Variants in PARP8 observed in about 807,000 individuals in gnomAD.
The protein encoded by PARP8 is protein mono-ADP-ribosyltransferase PARP8.
A neutral mutation model predicts 124.1 loss-of-function variants in PARP8; 51 were observed. The observed-to-expected ratio is 0.41, with a 90% CI of 0.33 to 0.52. The LOEUF (loss-of-function observed/expected upper bound fraction) is 0.52. Among genes scored for constraint, PARP8 ranks in the 20% least tolerant of loss-of-function variants. The probability of loss-of-function intolerance (pLI) is 0.21; values close to 1 mark genes in which losing one functional copy is unlikely to be tolerated. For missense variants in PARP8, 860 were observed against 1,018.9 expected, an observed-to-expected ratio of 0.84 and a Z score of 2.12; for synonymous variants, 391 against 361.5, an observed-to-expected ratio of 1.08 and a Z score of -0.93.
chr5:50,757,034 T>G, intron 3 of PARP8: 1 of 355,924 alleles, frequency 2.8e-6, no homozygotes, highest in Non-Finnish European at 5.8e-6. Context: ...ATGTAGTATT[T>G]TGTTGTATAT....
At chr5:50,822,006 A>T (rs1483120023) in intron 16 of PARP8, among the ~76,000 whole-genome samples, 1 of 152,188 alleles carries the variant, frequency 6.6e-6, no homozygotes, top group African/African-American at 2.4e-5. Context: ...GTATTTTAGG[A>T]TTCTATGTTG....
intron 2 of PARP8, among the ~76,000 whole-genome samples, chr5:50,718,673 G>A (rs1292548553): frequency 6.6e-6 from 1 of 151,858 alleles, no homozygotes; most frequent in Non-Finnish European, 1.5e-5. Context: ...TGGCTGAATA[G>A]TTTCCCATTG....
intron 2 of PARP8, among the ~76,000 whole-genome samples, chr5:50,715,031 C>A (rs538528375): frequency 6.6e-6 from 1 of 151,634 alleles, no homozygotes; most frequent in South Asian, 2.1e-4. Flanking sequence ...CTTTCATTTT[C>A]TGTAATTTTA....
At chr5:50,747,150 G>GTT (rs1561320439) in intron 2 of PARP8, among the ~76,000 whole-genome samples, 3 of 38,478 alleles carry the variant, frequency 7.8e-5, no homozygotes, top group African/African-American at 2.1e-4. Context: ...GGTTTTTTTT[G>GTT]TTTGTTTGTT....
rs776719074 is a variant in PARP8, at chr5:50,760,357, G to T, written c.340G>T (p.Gly114Trp). 12 of 1,519,296 alleles carry T rather than the reference G, an allele frequency of 7.9e-6. No individual in the cohort carries two copies. The highest frequency in any genetic ancestry group is 4.2e-5 in the African/African-American group (3 of 71,624). 94.1% of individuals were successfully genotyped at this position (1,519,296 alleles called of 1,614,324 possible). A position where few individuals can be genotyped will look rare whatever the true frequency, so the allele number is the denominator to read the frequency against. Residue 114 changes from glycine to tryptophan, a missense_variant, in exon 5 of 26, where the codon GGG (glycine) becomes TGG (tryptophan). This residue lies in a region of PARP8 where 517 missense variants were observed against 544.2 expected (regional missense o/e 0.95). Coordinates refer to ENST00000281631, the MANE Select transcript of PARP8 (RefSeq NM_024615.4). ...SIKSKLQKEN[G>W]EESRQNSTVE... ...AAAATCCAAATTACAAAAGGAAAATGGGGAGGTATGTAAATTATATTTTTT... is the reference window on the plus strand; with the variant it reads ...AAAATCCAAATTACAAAAGGAAAATTGGGAGGTATGTAAATTATATTTTTT...
intron 2 of PARP8, among the ~76,000 whole-genome samples, chr5:50,724,318 C>T (rs991833353): frequency 2.6e-5 from 4 of 151,972 alleles, no homozygotes; most frequent in Admixed American, 1.3e-4. Context: ...ATGCAAATTG[C>T]TAAGTTTTCA....
At position 50,821,279 on chromosome 5, in the gene PARP8, G is replaced by A. The variant is rs372763367; in HGVS notation, c.1735G>A (p.Glu579Lys). 30 of 1,613,848 alleles carry A rather than the reference G, an allele frequency of 1.9e-5. No individual in the cohort carries two copies. The highest frequency in any genetic ancestry group is 2.7e-5 in the African/African-American group (2 of 74,866). ...ATCTCCTAGAAAAGTTGTGATTTTC[G>A]AGCCATATCCTTCTGTGGTAGATCC... Reference protein sequence around the residue: ...LESPRKVVIFEPYPSVVDPND... With the variant: ...LESPRKVVIFKPYPSVVDPND... The change falls in exon 16 of 26, where the codon GAG (glutamate) becomes AAG (lysine). Residue 579 changes from glutamate to lysine, a missense_variant. Coordinates refer to ENST00000281631, the MANE Select transcript of PARP8 (RefSeq NM_024615.4).
intron 2 of PARP8, among the ~76,000 whole-genome samples, chr5:50,731,587 G>A (rs1756980218): frequency 6.6e-6 from 1 of 152,136 alleles, no homozygotes; most frequent in African/African-American, 2.4e-5. Context: ...CCTGATCGTA[G>A]TATGATGGGA....
intron 25 of PARP8, among the ~76,000 whole-genome samples, chr5:50,840,964 G>A (rs901380805): frequency 2.0e-5 from 3 of 151,850 alleles, no homozygotes; most frequent in Non-Finnish European, 4.4e-5. Flanking sequence ...TAAGAATTTA[G>A]ACTTGGTACA....
intron 2 of PARP8, among the ~76,000 whole-genome samples, chr5:50,675,997 G>A (rs1464616776): frequency 1.3e-5 from 2 of 152,148 alleles, no homozygotes; most frequent in Non-Finnish European, 2.9e-5. Flanking sequence ...TGTTTAATTA[G>A]ATATTAGATT....
chr5:50,695,889 C>G (rs1377095362), intron 2 of PARP8, among the ~76,000 whole-genome samples: 3 of 152,094 alleles, frequency 2.0e-5, no homozygotes, highest in African/African-American at 7.2e-5. Context: ...TCATTCTCCT[C>G]TATGCATTAT....
intron 14 of PARP8, among the ~76,000 whole-genome samples, chr5:50,803,924 A>G (rs1743522118): frequency 6.6e-6 from 1 of 151,966 alleles, no homozygotes; most frequent in Non-Finnish European, 1.5e-5. Flanking sequence ...GAACTCTGGG[A>G]TTTAGATCTC....
At chr5:50,691,858 G>C (rs1188986010) in intron 2 of PARP8, among the ~76,000 whole-genome samples, 2 of 152,058 alleles carry the variant, frequency 1.3e-5, no homozygotes, top group Non-Finnish European at 2.9e-5. Context: ...GAAAAACCTG[G>C]TGGCACCTAA....
chr5:50,798,046 T>C (rs774384326), intron 14 of PARP8, among the ~76,000 whole-genome samples: 34 of 152,354 alleles, frequency 2.2e-4, no homozygotes, highest in South Asian at 4.1e-4. Context: ...ATATTTGATA[T>C]GAATGGAATT....
intron 2 of PARP8, among the ~76,000 whole-genome samples, chr5:50,672,931 C>G (rs1175203914): frequency 6.6e-6 from 1 of 152,116 alleles, no homozygotes; most frequent in Non-Finnish European, 1.5e-5. Context: ...AAAGATCAGA[C>G]GTGCCCACTC....
chr5:50,815,291 T>A (rs1744974681), intron 14 of PARP8, 141 bp from the exon 15 acceptor site: 1 of 524,296 alleles, frequency 1.9e-6, no homozygotes, highest in East Asian at 3.5e-5. Flanking sequence ...AGAATTTATT[T>A]CGTATTAAAA....
intron 2 of PARP8, among the ~76,000 whole-genome samples, chr5:50,682,506 T>C (rs1360645924): frequency 6.6e-6 from 1 of 152,142 alleles, no homozygotes; most frequent in Admixed American, 6.6e-5. Flanking sequence ...ATATGATAAC[T>C]ACCTTGTTAC....
chr5:50,789,792 T>C (rs1741740912), intron 10 of PARP8, among the ~76,000 whole-genome samples: 1 of 152,238 alleles, frequency 6.6e-6, no homozygotes, highest in Non-Finnish European at 1.5e-5. Flanking sequence ...GATAATTGTA[T>C]GCTTAAAGCC....
intron 10 of PARP8, among the ~76,000 whole-genome samples, chr5:50,792,353 T>G (rs1742056162): frequency 6.6e-6 from 1 of 152,286 alleles, no homozygotes; most frequent in South Asian, 2.1e-4. Flanking sequence ...AAACAATTTC[T>G]TTTGCATCCA....
Sources: allele counts gnomAD v4.1 joint callset (sites outside exome capture counted in the v4.1 genomes callset), GRCh38; gene constraint gnomAD v4.1.1; regional missense constraint gnomAD v4.1.1; transcripts MANE v1.5; gene names NCBI Gene and HGNC (gene_info 2026-07-23, HGNC 2026-07-21).